KIF6: variants seen among roughly 807,000 people sequenced by gnomAD.
KIF6 encodes the protein kinesin-like protein KIF6.
Under a neutral mutation model 112.7 loss-of-function variants are expected in KIF6, and 106 were observed. The ratio of observed to expected loss-of-function variants is 0.94; its 90% CI spans 0.80 to 1.11. KIF6 has a LOEUF of 1.11. Ranked by LOEUF, KIF6 falls within the 50% of genes least tolerant of loss-of-function variation. The probability of loss-of-function intolerance (pLI) is 0.00; values close to 1 mark genes in which losing one functional copy is unlikely to be tolerated. For missense variants in KIF6, 929 were observed against 964.0 expected, an observed-to-expected ratio of 0.96 and a Z score of 0.48; for synonymous variants, 339 against 339.9, an observed-to-expected ratio of 1.00 and a Z score of 0.03.
chr6:39,691,049 A>T (rs1202864560), intron 3 of KIF6: 1 of 152,252 alleles, frequency 6.6e-6, no homozygotes, highest in Admixed American at 6.5e-5. Flanking sequence ...GGACATATTT[A>T]TACTAAAAAC....
intron 5 of KIF6, among the ~76,000 whole-genome samples, chr6:39,626,006 A>G (rs1784073188): frequency 6.6e-6 from 1 of 152,170 alleles, no homozygotes; most frequent in Non-Finnish European, 1.5e-5. Context: ...AACGTCTGGT[A>G]TAATCATTGT....
intron 10 of KIF6, among the ~76,000 whole-genome samples, chr6:39,566,756 A>G (rs1439810260): frequency 6.6e-6 from 1 of 152,228 alleles, no homozygotes; most frequent in Non-Finnish European, 1.5e-5. Context: ...GTATATGCCA[A>G]GGGAGAACAT....
chr6:39,386,036 A>G (rs1276258391), intron 15 of KIF6, among the ~76,000 whole-genome samples: 8 of 152,260 alleles, frequency 5.3e-5, no homozygotes, highest in Admixed American at 5.2e-4. Flanking sequence ...AATAATATTT[A>G]GGCCTACTTT....
At chr6:39,548,142 T>G (rs943288546) in intron 10 of KIF6, among the ~76,000 whole-genome samples, 2 of 152,228 alleles carry the variant, frequency 1.3e-5, no homozygotes, top group African/African-American at 4.8e-5. Flanking sequence ...TTCTTCTTGC[T>G]TTTTCTTTAG....
At chr6:39,686,648 C>G (rs1215493938) in intron 3 of KIF6, among the ~76,000 whole-genome samples, 1 of 152,122 alleles carries the variant, frequency 6.6e-6, no homozygotes, top group Non-Finnish European at 1.5e-5. Context: ...GGCTTTCTCT[C>G]ATAACCTAAC....
At chr6:39,524,542 A>G (rs1777595291) in intron 13 of KIF6, among the ~76,000 whole-genome samples, 1 of 152,180 alleles carries the variant, frequency 6.6e-6, no homozygotes, top group African/African-American at 2.4e-5. Flanking sequence ...TGTCAAGCCT[A>G]TCTGGGGATT....
intron 13 of KIF6, among the ~76,000 whole-genome samples, chr6:39,491,710 G>A (rs1441920974): frequency 1.3e-5 from 2 of 152,104 alleles, no homozygotes; most frequent in African/African-American, 4.8e-5. Context: ...AGCCTTGAGG[G>A]GCCTATTGGT....
chr6:39,360,308 C>T (rs1765029494), intron 18 of KIF6, 87 bp downstream of exon 18: 1 of 1,491,854 alleles, frequency 6.7e-7, no homozygotes, highest in Admixed American at 1.9e-5. Context: ...GCCTGTGGGT[C>T]AAAGCCCCCA....
At chr6:39,556,365 T>A (rs1779708763) in intron 10 of KIF6, among the ~76,000 whole-genome samples, 1 of 151,936 alleles carries the variant, frequency 6.6e-6, no homozygotes, top group Non-Finnish European at 1.5e-5. Flanking sequence ...ATAAGCCACA[T>A]TCAGGAAGGG....
intron 14 of KIF6, among the ~76,000 whole-genome samples, chr6:39,424,793 G>C (rs1311057405): frequency 6.6e-6 from 1 of 152,204 alleles, no homozygotes; most frequent in Non-Finnish European, 1.5e-5. Flanking sequence ...GTGGGAATGT[G>C]TGTTGGAAGC....
intron 3 of KIF6, among the ~76,000 whole-genome samples, chr6:39,669,216 T>C (rs1368341502): frequency 6.6e-6 from 1 of 152,190 alleles, no homozygotes; most frequent in African/African-American, 2.4e-5. Context: ...TTTTAATTAC[T>C]TTACAAAGGG....
At chr6:39,557,445 A>G (rs1243435246) in intron 10 of KIF6, among the ~76,000 whole-genome samples, 1 of 152,192 alleles carries the variant, frequency 6.6e-6, no homozygotes, top group Non-Finnish European at 1.5e-5. Context: ...TTGTTAAAAC[A>G]ATGATGCAGG....
intron 13 of KIF6, among the ~76,000 whole-genome samples, chr6:39,467,172 T>G (rs1325079100): frequency 6.6e-6 from 1 of 152,140 alleles, no homozygotes; most frequent in Non-Finnish European, 1.5e-5. Context: ...TGGTAGCCAA[T>G]GAAAAGGACA....
intron 13 of KIF6, among the ~76,000 whole-genome samples, chr6:39,470,739 T>G (rs189581968): frequency 1.1e-4 from 16 of 147,362 alleles, no homozygotes; most frequent in Admixed American, 5.3e-4. Context: ...TGGAGAGAAG[T>G]GTTAACTCTG....
intron 16 of KIF6, among the ~76,000 whole-genome samples, chr6:39,373,755 T>C (rs148309912): frequency 6.1e-4 from 93 of 152,282 alleles, no homozygotes; most frequent in African/African-American, 2.2e-3. Context: ...AAAGATATAT[T>C]GTATTCATGG....
intron 10 of KIF6, among the ~76,000 whole-genome samples, chr6:39,552,044 A>C (rs1779414527): frequency 6.6e-6 from 1 of 152,222 alleles, no homozygotes; most frequent in African/African-American, 2.4e-5. Flanking sequence ...ATTTAACAAC[A>C]TTCCCAGGTG....
chr6:39,569,184 A>G (rs1182870022), intron 10 of KIF6, among the ~76,000 whole-genome samples: 1 of 152,210 alleles, frequency 6.6e-6, no homozygotes, highest in African/African-American at 2.4e-5. Flanking sequence ...CAGTGACAAT[A>G]AACTGAATAT....
chr6:39,517,420 G>A (rs1043899881), intron 13 of KIF6, among the ~76,000 whole-genome samples: 2 of 152,198 alleles, frequency 1.3e-5, no homozygotes, highest in Non-Finnish European at 2.9e-5. Flanking sequence ...ACTGTTGACA[G>A]TGGATAACAA....
chr6:39,460,448 G>A (rs1184029773), intron 13 of KIF6, among the ~76,000 whole-genome samples: 7 of 130,756 alleles, frequency 5.4e-5, no homozygotes, highest in Non-Finnish European at 1.1e-4. Flanking sequence ...TGGGTGTAGC[G>A]CACCAGCATG....
Sources: allele counts gnomAD v4.1 joint callset (sites outside exome capture counted in the v4.1 genomes callset), GRCh38; gene constraint gnomAD v4.1.1; transcripts MANE v1.5; gene names NCBI Gene and HGNC (gene_info 2026-07-23, HGNC 2026-07-21).